The following SIMC1 variants were observed in gnomAD, a reference collection of about 807,000 sequenced individuals.
SIMC1 encodes the protein SUMO-interacting motif-containing protein 1.
SIMC1 carries 55 observed loss-of-function variants against 82.3 expected under a neutral mutation model. The ratio of observed to expected loss-of-function variants is 0.67; its 90% CI spans 0.54 to 0.84. The LOEUF (loss-of-function observed/expected upper bound fraction) is 0.84, where lower values mean the gene tolerates loss of function less well. Among genes scored for constraint, SIMC1 ranks in the 40% least tolerant of loss-of-function variants. The pLI is 0.00. For synonymous variants in SIMC1, 353 were observed against 426.3 expected (o/e 0.83, Z 2.12); for missense variants, 915 against 1,107.2 (o/e 0.83, Z 2.46).
intron 1 of SIMC1, among the ~76,000 whole-genome samples, chr5:176,271,280 A>C (rs1762413388): frequency 6.6e-6 from 1 of 152,228 alleles, no homozygotes; most frequent in Non-Finnish European, 1.5e-5. Context: ...GAATCATTTG[A>C]ACCCTGGAGG....
intron 7 of SIMC1, among the ~76,000 whole-genome samples, chr5:176,331,136 C>T (rs1765640274): frequency 6.6e-6 from 1 of 151,932 alleles, no homozygotes; most frequent in Admixed American, 6.6e-5. Flanking sequence ...TTTGGGAGGC[C>T]AAGGCGGGTG....
At chr5:176,322,456 C>T in intron 6 of SIMC1, 31 bp downstream of exon 6, 2 of 1,591,614 alleles carry the variant, frequency 1.3e-6, no homozygotes, top group Admixed American at 1.8e-5. Flanking sequence ...TTTCCTGGGG[C>T]TCTTGGGGTT....
chr5:176,283,905 A>G (rs1203860259), intron 1 of SIMC1, among the ~76,000 whole-genome samples: 1 of 152,230 alleles, frequency 6.6e-6, no homozygotes, highest in African/African-American at 2.4e-5. Context: ...CTTTAAAGCA[A>G]CAAAGATAAA....
At chr5:176,310,873 C>CA (rs1764635408) in intron 4 of SIMC1, among the ~76,000 whole-genome samples, 1 of 151,016 alleles carries the variant, frequency 6.6e-6, no homozygotes, top group African/African-American at 2.4e-5. Context: ...GTCTAGATAG[C>CA]AAAAAATAAA....
At chr5:176,322,627 T>C (rs1581312837) in intron 6 of SIMC1, 1 of 573,020 alleles carries the variant, frequency 1.7e-6, no homozygotes. Flanking sequence ...ACCCCTAAAA[T>C]GAATAGGACT....
At chr5:176,287,332 A>G (rs1219503144) in intron 1 of SIMC1, among the ~76,000 whole-genome samples, 1 of 152,250 alleles carries the variant, frequency 6.6e-6, no homozygotes, top group East Asian at 1.9e-4. Flanking sequence ...CTTTGTAGGG[A>G]CATGGATGAA....
intron 1 of SIMC1, among the ~76,000 whole-genome samples, chr5:176,282,100 G>A (rs1002248390): frequency 1.9e-4 from 29 of 152,152 alleles, no homozygotes; most frequent in African/African-American, 7.0e-4. Flanking sequence ...GGAGCTTCCC[G>A]GCTGCTTTGT....
intron 1 of SIMC1, among the ~76,000 whole-genome samples, chr5:176,257,954 T>G (rs1561674362): frequency 6.6e-6 from 1 of 152,226 alleles, no homozygotes; most frequent in African/African-American, 2.4e-5. Flanking sequence ...AAATAGCCCC[T>G]GTATGGGAGG....
chr5:176,300,091 A>G (rs1185554812), intron 4 of SIMC1, among the ~76,000 whole-genome samples: 3 of 152,220 alleles, frequency 2.0e-5, no homozygotes, highest in African/African-American at 7.2e-5. Flanking sequence ...GAAATATGAC[A>G]TACGAAAACT....
chr5:176,248,261 T>A (rs1461946246), intron 1 of SIMC1, among the ~76,000 whole-genome samples: 1 of 152,062 alleles, frequency 6.6e-6, no homozygotes, highest in Non-Finnish European at 1.5e-5. Flanking sequence ...TTTCCATTTG[T>A]TTGTGTCCTC....
chr5:176,305,536 G>T (rs1258021403), intron 4 of SIMC1, among the ~76,000 whole-genome samples: 15 of 141,214 alleles, frequency 1.1e-4, no homozygotes, highest in African/African-American at 1.3e-4. Context: ...GAGGTGGGGG[G>T]GTCAGCCCCC....
intron 4 of SIMC1, among the ~76,000 whole-genome samples, chr5:176,307,396 G>A (rs949709788): frequency 2.6e-5 from 4 of 152,120 alleles, no homozygotes; most frequent in Non-Finnish European, 4.4e-5. Flanking sequence ...TGATAATGTG[G>A]TTTTTGTAAC....
chr5:176,271,010 A>G (rs1762401972), intron 1 of SIMC1, among the ~76,000 whole-genome samples: 1 of 152,142 alleles, frequency 6.6e-6, no homozygotes, highest in Admixed American at 6.6e-5. Context: ...GCCAAGGGAA[A>G]GCTTATGTCA....
At position 176,258,555 on chromosome 5, in the gene SIMC1, C is replaced by T. The variant is rs1177633319; in HGVS notation, c.129+19918C>T. 1.3e-4 allele frequency among the ~76,000 whole-genome samples: 20 copies of T among 149,222 alleles called. No individual in the cohort carries two copies. The South Asian group carries it at 2.1e-3, about 16-fold the overall frequency. On this transcript the variant is annotated intron_variant, in intron 1 of 9. Coordinates refer to ENST00000429602, the MANE Select transcript of SIMC1 (RefSeq NM_001308195.2). ...GGATGGTTTTGGAAAAATAGACTCA[C>T]GAGAGTTTTTTAATACAAAAATTGT...
At chr5:176,324,832 TA>T in intron 7 of SIMC1, 75 bp downstream of exon 7, 3 of 1,462,520 alleles carry the variant, frequency 2.1e-6, no homozygotes, top group Non-Finnish European at 2.7e-6. Context: ...TCATTTTTAT[TA>T]AATTAACTTT....
intron 9 of SIMC1, among the ~76,000 whole-genome samples, chr5:176,338,337 G>A (rs917905004): frequency 5.3e-5 from 8 of 152,170 alleles, no homozygotes; most frequent in African/African-American, 1.9e-4. Flanking sequence ...GAGAAAAGAA[G>A]TCATAAATGG....
At chr5:176,303,186 T>G (rs950521975) in intron 4 of SIMC1, among the ~76,000 whole-genome samples, 1 of 151,394 alleles carries the variant, frequency 6.6e-6, no homozygotes. Flanking sequence ...GAGAATTGCT[T>G]GAACTCGGGA....
At chr5:176,306,950 C>T (rs1274263240) in intron 4 of SIMC1, among the ~76,000 whole-genome samples, 1 of 151,506 alleles carries the variant, frequency 6.6e-6, no homozygotes, top group East Asian at 1.9e-4. Flanking sequence ...AGAACTCCAG[C>T]AACTCAACAA....
Position 176,306,232 on chromosome 5 carries a change from C to G in SIMC1, c.1735-7459C>G, listed in dbSNP as rs1334324938. 8.1e-3 allele frequency among the ~76,000 whole-genome samples: 694 copies of G among 85,898 alleles called. 28 individuals carry two copies. The highest frequency in any genetic ancestry group is 0.025 in the African/African-American group (650 of 25,654). 56.4% of individuals were successfully genotyped at this position (85,898 alleles called of 152,430 possible). On this transcript the variant is annotated intron_variant, in intron 4 of 9. Coordinates refer to ENST00000429602, the MANE Select transcript of SIMC1 (RefSeq NM_001308195.2). Reference sequence around the variant, plus strand: ...GAGGGGCGCCTCTGCCCGGCCGCCCCTACTGGGAAGTGAGGAGCCCCTCTG... The same window carrying G: ...GAGGGGCGCCTCTGCCCGGCCGCCCGTACTGGGAAGTGAGGAGCCCCTCTG...
Sources: gnomAD v4.1 joint callset for allele counts (sites outside exome capture counted in the v4.1 genomes callset) on GRCh38, gnomAD v4.1.1 for gene constraint, MANE v1.5 for transcripts, NCBI Gene and HGNC (gene_info 2026-07-23, HGNC 2026-07-21) for gene names.